NLRP5: variants seen among roughly 807,000 people sequenced by gnomAD.
NLRP5 encodes the protein NACHT, LRR and PYD domains-containing protein 5.
A neutral mutation model predicts 113.1 loss-of-function variants in NLRP5; 93 were observed. That is an observed-to-expected ratio of 0.82 (90% confidence interval 0.70 to 0.98). The LOEUF (loss-of-function observed/expected upper bound fraction) is 0.98. NLRP5 is among the 50% of genes least tolerant of loss of function. NLRP5 has a pLI of 0.00. For synonymous variants in NLRP5, 751 were observed against 600.7 expected, an observed-to-expected ratio of 1.25 and a Z score of -3.66; for missense variants, 1,808 against 1,514.3, an observed-to-expected ratio of 1.19 and a Z score of -3.22.
intron 3 of NLRP5, among the ~76,000 whole-genome samples, chr19:56,012,674 T>G (rs796801696): frequency 4.3e-5 from 3 of 70,134 alleles, no homozygotes; most frequent in African/African-American, 1.4e-4. Context: ...ATTATTTTCC[T>G]TGGAACGATC....
At chr19:56,005,623 T>TACAC (rs1491468799) in intron 2 of NLRP5, among the ~76,000 whole-genome samples, 1 of 140,680 alleles carries the variant, frequency 7.1e-6, no homozygotes, top group Non-Finnish European at 1.5e-5. Flanking sequence ...CATATATATT[T>TACAC]ATACACACAC....
At chr19:56,000,613 T>C (rs1003889730) in intron 1 of NLRP5, among the ~76,000 whole-genome samples, 3 of 151,848 alleles carry the variant, frequency 2.0e-5, no homozygotes, top group Non-Finnish European at 4.4e-5. Context: ...ATCCGCCCAC[T>C]TTGGCCTCCC....
chr19:56,035,704 C>T (rs1165329966), intron 9 of NLRP5, among the ~76,000 whole-genome samples: 1 of 152,174 alleles, frequency 6.6e-6, no homozygotes, highest in Non-Finnish European at 1.5e-5. Context: ...CTCTTCTCTT[C>T]ACTCCTGTAT....
intron 6 of NLRP5, among the ~76,000 whole-genome samples, chr19:56,024,525 GTATACA>G (rs1272351639): frequency 2.6e-4 from 23 of 88,330 alleles, no homozygotes; most frequent in South Asian, 1.1e-3. Context: ...GTATGTATAT[GTATACA>G]TATGTATATG....
the NLRP5 span, among the ~76,000 whole-genome samples, chr19:55,992,866 TG>T: frequency 5.6e-5 from 8 of 143,096 alleles, no homozygotes; most frequent in African/African-American, 1.6e-4. Flanking sequence ...TTTTTTTTTT[TG>T]AAATGAATTT....
chr19:56,043,340 A>T (rs529407610), intron 11 of NLRP5, among the ~76,000 whole-genome samples: 6 of 151,750 alleles, frequency 4.0e-5, no homozygotes, highest in Non-Finnish European at 2.9e-5. Flanking sequence ...TTTTGATTGC[A>T]TTTCCCTGAT....
upstream of NLRP5, among the ~76,000 whole-genome samples, chr19:55,995,073 G>T (rs977774695): frequency 6.6e-6 from 1 of 152,058 alleles, no homozygotes; most frequent in East Asian, 1.9e-4. Flanking sequence ...CATGGATGAA[G>T]CTGGAAACTA....
intron 2 of NLRP5, among the ~76,000 whole-genome samples, chr19:56,007,520 C>T (rs1297291276): frequency 6.6e-6 from 1 of 151,016 alleles, no homozygotes; most frequent in Non-Finnish European, 1.5e-5. Context: ...AGCATAAAGT[C>T]AGGGCATCCC....
In NLRP5 at chr19:56,049,401, G is replaced by A. The variant is rs560826247; in HGVS notation, c.2958-1017G>A. 3.9e-5 allele frequency among the ~76,000 whole-genome samples: 6 copies of A among 152,082 alleles called. No homozygotes were observed. In the South Asian group the frequency reaches 6.2e-4, roughly 16 times the overall value. ...TCTCCATGTTGGTCAGGCTGGTATC[G>A]AACTTCCAACCTCGGGTGATCCACC... On this transcript the variant is annotated intron_variant, in intron 11 of 14. Coordinates refer to ENST00000390649, the MANE Select transcript of NLRP5 (RefSeq NM_153447.4).
In NLRP5 at chr19:56,027,522, G is replaced by C. The variant is rs757656748; in HGVS notation, c.1289G>C (p.Arg430Thr). Residue 430 changes from arginine (R) to threonine (T), a missense_variant, in exon 7 of 15, where the codon AGA becomes ACA. Coordinates refer to ENST00000390649, the MANE Select transcript of NLRP5 (RefSeq NM_153447.4). ...GTGTCTCCCCGTTACCTGTTAGTTAGAGGAATCTCCGGGGAACAAAGAATC... is the reference window on the plus strand; with the variant it reads ...GTGTCTCCCCGTTACCTGTTAGTTACAGGAATCTCCGGGGAACAAAGAATC... 1.2e-6 allele frequency: 2 copies of C among 1,613,972 alleles called. No individual in the cohort carries two copies. Among genetic ancestry groups the C allele is most frequent in the African/African-American group, 1.3e-5 (1 of 75,070 alleles).
intron 3 of NLRP5, among the ~76,000 whole-genome samples, chr19:56,010,739 T>A (rs1982149888): frequency 1.9e-4 from 1 of 5,358 alleles, no homozygotes; most frequent in Non-Finnish European, 4.9e-4. Flanking sequence ...CTTAACTCTG[T>A]CTCAAAAAAA....
rs773360006 is a variant in NLRP5 at position 56,005,107 on chromosome 19, A to AAT, written c.442+1030_442+1031dup. On this transcript the variant is annotated intron_variant, in intron 2 of 14. Coordinates refer to ENST00000390649, the MANE Select transcript of NLRP5 (RefSeq NM_153447.4). Reference sequence around the variant, plus strand: ...AGACTGTGTCTCAAAAAAAAAAAAAAATATATATATATATATATAATATAT... The same window carrying AAT: ...AGACTGTGTCTCAAAAAAAAAAAAAAATATATATATATATATATATAATATAT... Among the ~76,000 whole-genome samples the AAT allele has an allele frequency of 1.0e-3, 99 of 95,320 alleles. 2 individuals carry two copies. The highest frequency in any genetic ancestry group is 6.0e-3 in the Admixed American group (55 of 9,144). The allele number at this position is 95,320 out of a possible 152,430, so 62.5% of individuals were successfully genotyped here.
chr19:56,058,502 C>CG, intron 14 of NLRP5, 92 bp downstream of exon 14: 1 of 1,198,418 alleles, frequency 8.3e-7, no homozygotes, highest in Non-Finnish European at 1.2e-6. Flanking sequence ...GAAAAGTTGA[C>CG]GTCATACCTT....
At chr19:56,017,281 A>G (rs375745636) in intron 4 of NLRP5, among the ~76,000 whole-genome samples, 1 of 151,648 alleles carries the variant, frequency 6.6e-6, no homozygotes, top group African/African-American at 2.4e-5. Context: ...TCCATCTTGT[A>G]TTTTGTTTAT....
chr19:56,033,019 G>A (rs1197197582), intron 8 of NLRP5, among the ~76,000 whole-genome samples: 1 of 152,112 alleles, frequency 6.6e-6, no homozygotes. Context: ...GCCGAGGTGG[G>A]TGGATCACCT....
At chr19:55,991,423 T>C in the NLRP5 span, among the ~76,000 whole-genome samples, 2 of 152,170 alleles carry the variant, frequency 1.3e-5, no homozygotes, top group Admixed American at 1.3e-4. Flanking sequence ...GCAGTACTTC[T>C]TGGATGATAT....
rs747641573 is a variant in NLRP5, at chr19:56,003,730, C to G, written c.77C>G (p.Ser26Cys). 1 of 1,601,456 alleles carries G rather than the reference C, an allele frequency of 6.2e-7. No homozygotes were observed. Among genetic ancestry groups the G allele is most frequent in the Middle Eastern group, 1.7e-4 (1 of 5,982 alleles). ...CCTCTTTTAAGTCTTGTCACTCTTTCCACAGGTCCTACTTGCTCTATATTA... is the reference window on the plus strand; with the variant it reads ...CCTCTTTTAAGTCTTGTCACTCTTTGCACAGGTCCTACTTGCTCTATATTA... Residue 26 changes from serine to cysteine, a missense_variant, in exon 2 of 15, where the codon TCC becomes TGC. Transcript: ENST00000390649.
In NLRP5 at chr19:55,999,784, G is replaced by C. The variant is rs768357894; in HGVS notation, c.59G>C (p.Arg20Pro). 2 of 1,612,938 alleles carry C rather than the reference G, an allele frequency of 1.2e-6. No individual in the cohort carries two copies. The highest frequency in any genetic ancestry group is 1.7e-6 in the Non-Finnish European group (2 of 1,179,060). ...GCTGCTCTGCTCTCAGCATCACCAC[G>C]TGCGTCGACAGCCTCTTAGAGTTAC... The change falls in exon 1 of 15, where the codon CGT becomes CCT. Residue 20 changes from arginine (R) to proline (P), a missense_variant. Arg to Pro is a moderately radical substitution (Grantham distance 103). Coordinates refer to ENST00000390649, the MANE Select transcript of NLRP5 (RefSeq NM_153447.4).
At chr19:55,992,556 C>G in the NLRP5 span, among the ~76,000 whole-genome samples, 1 of 152,098 alleles carries the variant, frequency 6.6e-6, no homozygotes, top group Non-Finnish European at 1.5e-5. Context: ...AATAATGACA[C>G]GTAACATTCT....
Sources: gnomAD v4.1 joint callset for allele counts (sites outside exome capture counted in the v4.1 genomes callset) on GRCh38, gnomAD v4.1.1 for gene constraint, MANE v1.5 for transcripts, NCBI Gene and HGNC (gene_info 2026-07-23, HGNC 2026-07-21) for gene names.